CSMD1: variants seen among roughly 807,000 people sequenced by gnomAD.
CSMD1 encodes the protein CUB and Sushi multiple domains 1.
A neutral mutation model predicts 417.5 loss-of-function variants in CSMD1; 213 were observed. That is an observed-to-expected ratio of 0.51 (90% CI 0.46 to 0.57). The LOEUF is 0.57. Ranked by LOEUF, CSMD1 falls within the 20% of genes least tolerant of loss-of-function variation. The pLI is 0.00. For missense variants in CSMD1, 6,923 were observed against 4,529.7 expected (o/e 1.53, Z -15.17); for synonymous variants, 2,862 against 1,736.8 (o/e 1.65, Z -16.11).
intron 3 of CSMD1, among the ~76,000 whole-genome samples, chr8:4,134,797 T>C (rs1332466407): frequency 1.3e-5 from 2 of 152,202 alleles, no homozygotes; most frequent in Non-Finnish European, 2.9e-5. Flanking sequence ...TCATGAGTGA[T>C]TTATTTTAAC....
intron 5 of CSMD1, among the ~76,000 whole-genome samples, chr8:3,818,431 A>C (rs1013308064): frequency 6.6e-6 from 1 of 152,256 alleles, no homozygotes; most frequent in East Asian, 1.9e-4. Context: ...ATTATTAACT[A>C]ATTAACTCCT....
At chr8:4,037,066 T>A (rs926865737) in intron 3 of CSMD1, among the ~76,000 whole-genome samples, 2 of 152,112 alleles carry the variant, frequency 1.3e-5, no homozygotes, top group Non-Finnish European at 2.9e-5. Context: ...CTGAGACAGC[T>A]CTGGCCACCC....
chr8:4,692,568 G>A (rs989589894), intron 1 of CSMD1, among the ~76,000 whole-genome samples: 3 of 152,184 alleles, frequency 2.0e-5, no homozygotes, highest in African/African-American at 7.2e-5. Context: ...CGGGAAGACT[G>A]TGAGCCATGG....
rs139707985 is a variant in CSMD1 at position 4,948,399 on chromosome 8, C to A, written c.85+45933G>T. Among the ~76,000 whole-genome samples, 22 of 151,906 alleles carry A rather than the reference C, an allele frequency of 1.4e-4. No homozygotes were observed. The East Asian group carries it at 3.1e-3, about 21-fold the overall frequency. On this transcript the variant is annotated intron_variant, in intron 1 of 69. Coordinates refer to ENST00000635120, the MANE Select transcript of CSMD1 (RefSeq NM_033225.6). ...TTATATATTCTGTACTAGTTACTTG[C>A]CAGTCATTCATTGGGCATATCTATC...
chr8:3,573,883 G>GT lies in CSMD1; in HGVS notation c.1344+1061dup, dbSNP rs1033313685. Reference sequence around the variant, plus strand: ...CCATACCTATAATAGTTTCCTCACAGTTTTTTTTAAGTGAAATCAATATGA... The same window carrying GT: ...CCATACCTATAATAGTTTCCTCACAGTTTTTTTTTAAGTGAAATCAATATGA... On this transcript the variant is annotated intron_variant, in intron 10 of 69. Coordinates refer to ENST00000635120, the MANE Select transcript of CSMD1 (RefSeq NM_033225.6). 2.0e-4 allele frequency among the ~76,000 whole-genome samples: 31 copies of GT among 151,546 alleles called. No individual in the cohort carries two copies. The East Asian group carries it at 2.3e-3, about 11-fold the overall frequency.
chr8:4,590,261 G>C (rs543302251), intron 2 of CSMD1, among the ~76,000 whole-genome samples: 2 of 152,156 alleles, frequency 1.3e-5, no homozygotes, highest in African/African-American at 4.8e-5. Flanking sequence ...AAAGTGGAGA[G>C]ATGGTGACCA....
At chr8:3,920,804 G>A (rs987996588) in intron 5 of CSMD1, among the ~76,000 whole-genome samples, 1 of 152,058 alleles carries the variant, frequency 6.6e-6, no homozygotes, top group Non-Finnish European at 1.5e-5. Flanking sequence ...AAACAACCTT[G>A]CATCCCAGCG....
chr8:2,959,725 T>G (rs975333937), intron 62 of CSMD1, among the ~76,000 whole-genome samples: 8 of 152,164 alleles, frequency 5.3e-5, no homozygotes, highest in Admixed American at 5.2e-4. Context: ...AATGGCTCAC[T>G]TTGTGTAAGT....
chr8:4,276,532 G>A (rs1204563006), intron 3 of CSMD1, among the ~76,000 whole-genome samples: 2 of 152,232 alleles, frequency 1.3e-5, no homozygotes, highest in Non-Finnish European at 2.9e-5. Context: ...CATGGCACAT[G>A]TTTAACTACG....
chr8:4,296,540 C>T (rs1415355787), intron 3 of CSMD1, among the ~76,000 whole-genome samples: 2 of 152,076 alleles, frequency 1.3e-5, no homozygotes, highest in East Asian at 3.9e-4. Flanking sequence ...AAGCATTATT[C>T]ACTACTCATA....
At chr8:3,411,692 A>G (rs1281334104) in intron 12 of CSMD1, among the ~76,000 whole-genome samples, 1 of 132,860 alleles carries the variant, frequency 7.5e-6, no homozygotes. Context: ...GTGTATATAT[A>G]CACACGTATA....
At chr8:4,283,426 G>C (rs1460115296) in intron 3 of CSMD1, among the ~76,000 whole-genome samples, 4 of 152,092 alleles carry the variant, frequency 2.6e-5, no homozygotes, top group Non-Finnish European at 4.4e-5. Flanking sequence ...CTTTTCATCT[G>C]GGTACAGGAT....
At chr8:3,455,553 C>G (rs1456331661) in intron 12 of CSMD1, among the ~76,000 whole-genome samples, 1 of 152,198 alleles carries the variant, frequency 6.6e-6, no homozygotes, top group African/African-American at 2.4e-5. Context: ...AGCTGCAGGT[C>G]TGTTGGAATT....
chr8:4,384,885 G>A (rs533115484), intron 3 of CSMD1, among the ~76,000 whole-genome samples: 4 of 151,650 alleles, frequency 2.6e-5, no homozygotes, highest in African/African-American at 9.6e-5. Flanking sequence ...TCTAATTTCT[G>A]GTGACTATCA....
At chr8:3,379,873 G>C (rs1810526840) in intron 18 of CSMD1, among the ~76,000 whole-genome samples, 1 of 152,118 alleles carries the variant, frequency 6.6e-6, no homozygotes, top group Non-Finnish European at 1.5e-5. Flanking sequence ...AAAAAGCAAT[G>C]GCAACAGAAT....
At chr8:4,461,803 C>T (rs891867132) in intron 2 of CSMD1, among the ~76,000 whole-genome samples, 3 of 145,764 alleles carry the variant, frequency 2.1e-5, no homozygotes, top group Admixed American at 7.0e-5. Flanking sequence ...TGCAGTAGTA[C>T]GATCTCAGCT....
chr8:4,142,206 T>C (rs1202638270), intron 3 of CSMD1, among the ~76,000 whole-genome samples: 1 of 151,208 alleles, frequency 6.6e-6, no homozygotes, highest in East Asian at 1.9e-4. Flanking sequence ...TTAAAACATT[T>C]TTTATATTTA....
intron 46 of CSMD1, among the ~76,000 whole-genome samples, chr8:3,102,405 T>C (rs1007145289): frequency 1.3e-5 from 2 of 152,202 alleles, no homozygotes; most frequent in Non-Finnish European, 2.9e-5. Context: ...TAGGTTATCC[T>C]GTTCGCCTCC....
chr8:4,459,372 C>T lies in CSMD1; in HGVS notation c.303-39307G>A, dbSNP rs139961617. Among the ~76,000 whole-genome samples the T allele has an allele frequency of 6.6e-3, 1,009 of 152,342 alleles. 10 individuals carry two copies. Among genetic ancestry groups the T allele is most frequent in the African/African-American group, 0.022 (932 of 41,580 alleles). ...TCTCACCTCAGACCCGTGGTTTACT[C>T]ATGAAACAAGAATGTCAGTCCAGCA... On this transcript the variant is annotated intron_variant, in intron 2 of 69. Transcript: ENST00000635120.
Sources: allele counts gnomAD v4.1 joint callset (sites outside exome capture counted in the v4.1 genomes callset), GRCh38; gene constraint gnomAD v4.1.1; transcripts MANE v1.5; gene names NCBI Gene and HGNC (gene_info 2026-07-23, HGNC 2026-07-21).